Variants in MAN2A1 observed in about 807,000 individuals in gnomAD.
MAN2A1 encodes mannosidase alpha class 2A member 1, also known as alpha-mannosidase 2.
A neutral mutation model predicts 142.6 loss-of-function variants in MAN2A1; 76 were observed. That is an observed-to-expected ratio of 0.53 (90% CI 0.44 to 0.65). The LOEUF (loss-of-function observed/expected upper bound fraction) is 0.65. MAN2A1 is among the 30% of genes least tolerant of loss of function. The pLI is 0.00. For synonymous variants in MAN2A1, 559 were observed against 473.2 expected, an observed-to-expected ratio of 1.18 and a Z score of -2.35; for missense variants, 1,311 against 1,365.1, an observed-to-expected ratio of 0.96 and a Z score of 0.62.
chr5:109,836,765 C>A lies in MAN2A1; in HGVS notation c.2567-5563C>A, dbSNP rs11954593. Among the ~76,000 whole-genome samples the A allele has an allele frequency of 1.7e-3, 253 of 152,266 alleles. 3 individuals carry two copies. Among genetic ancestry groups the A allele is most frequent in the African/African-American group, 5.7e-3 (235 of 41,562 alleles). On this transcript the variant is annotated intron_variant, in intron 16 of 21. Transcript: ENST00000261483. ...ATATGTGTACTCTTCTGACTTCACA[C>A]ATTACAGATATAAAGTAAAATTCCT...
intron 5 of MAN2A1, among the ~76,000 whole-genome samples, chr5:109,762,466 C>T (rs528665932): frequency 6.6e-5 from 10 of 152,216 alleles, no homozygotes; most frequent in South Asian, 2.1e-4. Flanking sequence ...TTTTCTACAA[C>T]GTGAAGGTGA....
At chr5:109,696,984 T>C (rs776732533) in intron 1 of MAN2A1, among the ~76,000 whole-genome samples, 17 of 152,240 alleles carry the variant, frequency 1.1e-4, no homozygotes, top group African/African-American at 4.1e-4. Flanking sequence ...AAGATTCTTA[T>C]AATGGAACGT....
In MAN2A1 at chr5:109,789,455, T is replaced by G; in HGVS notation, c.1876-5T>G. ...AAATTAAAAAATTACTGTTCATTTT[T>G]ATAGGATTTGAAACAAAAATCACAA... On this transcript the variant is annotated splice_polypyrimidine_tract_variant and splice_region_variant and intron_variant, in intron 11 of 21. Transcript: ENST00000261483. The G allele has an allele frequency of 1.9e-6, 3 of 1,551,610 alleles. No individual in the cohort carries two copies. The highest frequency in any genetic ancestry group is 2.6e-6 in the Non-Finnish European group (3 of 1,135,166).
In MAN2A1 at chr5:109,784,813, A is replaced by T; in HGVS notation, c.1647A>T (p.Ser549=). Residue 549 remains serine, a synonymous_variant, in exon 10 of 22, where the codon TCA becomes TCT. Transcript: ENST00000261483. ...AHKYKINKFL[S]SSLYTALTEA... ...AATACAAGATAAATAAATTTCTCTCATCATCACTTTACACGGCACTGACAG... is the reference window on the plus strand; with the variant it reads ...AATACAAGATAAATAAATTTCTCTCTTCATCACTTTACACGGCACTGACAG... 6.2e-7 allele frequency: 1 copy of T among 1,612,490 alleles called. No homozygotes were observed. The highest frequency in any genetic ancestry group is 8.5e-7 in the Non-Finnish European group (1 of 1,179,340).
intron 16 of MAN2A1, among the ~76,000 whole-genome samples, chr5:109,841,550 A>G (rs1580308059): frequency 1.3e-5 from 2 of 152,150 alleles, no homozygotes; most frequent in African/African-American, 4.8e-5. Flanking sequence ...TATGAAATTG[A>G]CCCAAGGCCT....
At chr5:109,692,339 A>C (rs1349637227) in intron 1 of MAN2A1, among the ~76,000 whole-genome samples, 1 of 152,146 alleles carries the variant, frequency 6.6e-6, no homozygotes, top group Non-Finnish European at 1.5e-5. Context: ...GGGAGGTGGA[A>C]CATTTTGCAT....
At chr5:109,717,463 C>G (rs559312849) in intron 3 of MAN2A1, among the ~76,000 whole-genome samples, 1 of 152,240 alleles carries the variant, frequency 6.6e-6, no homozygotes, top group South Asian at 2.1e-4. Flanking sequence ...TATATGAAAT[C>G]AATATTCTGG....
chr5:109,696,102 T>C (rs914611145), intron 1 of MAN2A1, among the ~76,000 whole-genome samples: 1 of 151,804 alleles, frequency 6.6e-6, no homozygotes, highest in African/African-American at 2.4e-5. Flanking sequence ...GTATCTAGTA[T>C]ATATCTTTTT....
chr5:109,760,986 A>G (rs532068036), intron 5 of MAN2A1, among the ~76,000 whole-genome samples: 1 of 151,852 alleles, frequency 6.6e-6, no homozygotes, highest in South Asian at 2.1e-4. Flanking sequence ...CTATATGAAT[A>G]TTTTTACCAG....
intron 1 of MAN2A1, among the ~76,000 whole-genome samples, chr5:109,700,324 A>C (rs1268592514): frequency 6.7e-6 from 1 of 148,480 alleles, no homozygotes; most frequent in Non-Finnish European, 1.5e-5. Context: ...CTGTTTCCTC[A>C]AACTGCCATG....
At chr5:109,756,711 T>C (rs1054828580) in intron 5 of MAN2A1, among the ~76,000 whole-genome samples, 1 of 152,174 alleles carries the variant, frequency 6.6e-6, no homozygotes, top group Non-Finnish European at 1.5e-5. Flanking sequence ...GTGTAGAAAA[T>C]AGTTAGCATA....
chr5:109,867,046 C>T lies in MAN2A1; in HGVS notation c.*48C>T. The T allele has an allele frequency of 6.6e-7, 1 of 1,515,420 alleles. No homozygotes were observed. The highest frequency in any genetic ancestry group is 9.0e-7 in the Non-Finnish European group (1 of 1,116,844). 93.9% of individuals were successfully genotyped at this position (1,515,420 alleles called of 1,614,324 possible). ...GAGAATCATTGGCTTTTATACCTTT[C>T]TTGGTTTGACGTGCAATAAAGAAGC... On this transcript the variant is annotated 3_prime_UTR_variant, in exon 22 of 22. Coordinates refer to ENST00000261483, the MANE Select transcript of MAN2A1 (RefSeq NM_002372.4).
chr5:109,733,912 G>C (rs1387942146), intron 4 of MAN2A1, among the ~76,000 whole-genome samples: 2 of 151,982 alleles, frequency 1.3e-5, no homozygotes, highest in African/African-American at 2.4e-5. Context: ...TTTTTCTATT[G>C]ATTGGAATAG....
intron 21 of MAN2A1, among the ~76,000 whole-genome samples, chr5:109,866,114 G>C (rs1029669554): frequency 6.6e-6 from 1 of 152,120 alleles, no homozygotes; most frequent in African/African-American, 2.4e-5. Context: ...ACCCTACCCT[G>C]CTTGGAGCTG....
chr5:109,728,385 A>G (rs1047417261), intron 3 of MAN2A1, among the ~76,000 whole-genome samples: 41 of 152,170 alleles, frequency 2.7e-4, no homozygotes, highest in African/African-American at 9.7e-4. Context: ...CAATAGACCA[A>G]TAGTTCAGCT....
chr5:109,849,052 T>TA (rs1443295514), intron 19 of MAN2A1, among the ~76,000 whole-genome samples: 10 of 152,232 alleles, frequency 6.6e-5, no homozygotes, highest in Non-Finnish European at 1.5e-4. Flanking sequence ...TGTCACTCTC[T>TA]AAAATACTGC....
At chr5:109,858,741 C>G (rs567597837) in intron 20 of MAN2A1, among the ~76,000 whole-genome samples, 14 of 152,374 alleles carry the variant, frequency 9.2e-5, no homozygotes, top group African/African-American at 1.2e-4. Flanking sequence ...TCCTGCCTGA[C>G]CAACTCCTTC....
chr5:109,799,234 T>G (rs944638063), intron 12 of MAN2A1, among the ~76,000 whole-genome samples: 5 of 152,140 alleles, frequency 3.3e-5, no homozygotes, highest in African/African-American at 1.2e-4. Context: ...TCAAAACCCT[T>G]CTTTTTTCCA....
At chr5:109,696,908 T>C (rs141364230) in intron 1 of MAN2A1, among the ~76,000 whole-genome samples, 1 of 152,224 alleles carries the variant, frequency 6.6e-6, no homozygotes, top group Non-Finnish European at 1.5e-5. Flanking sequence ...GGATTCTAGA[T>C]TGTAGTATGT....
Sources: allele counts gnomAD v4.1 joint callset (sites outside exome capture counted in the v4.1 genomes callset), GRCh38; gene constraint gnomAD v4.1.1; transcripts MANE v1.5; gene names NCBI Gene and HGNC (gene_info 2026-07-23, HGNC 2026-07-21).